Variants in IMMP2L observed in about 807,000 individuals in gnomAD.
IMMP2L encodes inner mitochondrial membrane peptidase subunit 2.
Under a neutral mutation model 19.3 loss-of-function variants are expected in IMMP2L, and 18 were observed. That is an observed-to-expected ratio of 0.93 (90% CI 0.64 to 1.38). The LOEUF is 1.38. Among genes scored for constraint, IMMP2L ranks in the 40% most tolerant of loss-of-function variants. The pLI, the probability that IMMP2L is intolerant of heterozygous loss-of-function variation, is 0.00. For missense variants in IMMP2L, 233 were observed against 218.2 expected, an observed-to-expected ratio of 1.07 and a Z score of -0.43; for synonymous variants, 76 against 73.0, an observed-to-expected ratio of 1.04 and a Z score of -0.21.
intron 3 of IMMP2L, among the ~76,000 whole-genome samples, chr7:111,192,650 A>G (rs778043554): frequency 1.3e-5 from 2 of 152,144 alleles, no homozygotes; most frequent in Non-Finnish European, 2.9e-5. Flanking sequence ...ATCCAGATGG[A>G]GCCAAGAGAA....
chr7:111,417,407 GT>G (rs1384048171), intron 3 of IMMP2L, among the ~76,000 whole-genome samples: 3 of 151,748 alleles, frequency 2.0e-5, no homozygotes, highest in Non-Finnish European at 4.4e-5. Context: ...GTAGCACATT[GT>G]TTTTAGTGGG....
chr7:111,018,801 T>TATC (rs1370646413), intron 3 of IMMP2L, among the ~76,000 whole-genome samples: 1 of 116,568 alleles, frequency 8.6e-6, no homozygotes, highest in East Asian at 2.8e-4. Flanking sequence ...TTATTATTAT[T>TATC]ATTATTATTA....
intron 3 of IMMP2L, among the ~76,000 whole-genome samples, chr7:110,988,865 T>C (rs1423706339): frequency 6.6e-6 from 1 of 152,078 alleles, no homozygotes; most frequent in Non-Finnish European, 1.5e-5. Context: ...ATAAATATAG[T>C]ATGTTCAATA....
intron 3 of IMMP2L, among the ~76,000 whole-genome samples, chr7:111,485,515 C>G (rs1383683723): frequency 3.6e-5 from 5 of 138,898 alleles, no homozygotes; most frequent in East Asian, 2.3e-4. Flanking sequence ...GGAGAATGGC[C>G]TGAACCCAGG....
At chr7:110,710,917 T>C (rs1262491908) in intron 5 of IMMP2L, among the ~76,000 whole-genome samples, 8 of 21,380 alleles carry the variant, frequency 3.7e-4, no homozygotes, top group Non-Finnish European at 6.7e-4. Flanking sequence ...GCACGTGAGA[T>C]GGGTTTCCTG....
intron 3 of IMMP2L, among the ~76,000 whole-genome samples, chr7:111,202,653 C>T (rs145063058): frequency 3.0e-4 from 46 of 152,068 alleles, no homozygotes; most frequent in African/African-American, 1.1e-3. Context: ...AATATAACAT[C>T]AAAGGAAAAT....
intron 5 of IMMP2L, among the ~76,000 whole-genome samples, chr7:110,689,359 A>AT (rs1222525389): frequency 1.3e-5 from 2 of 151,898 alleles, no homozygotes; most frequent in African/African-American, 2.4e-5. Context: ...TCTATTTTCC[A>AT]TTTTTTTATT....
intron 3 of IMMP2L, among the ~76,000 whole-genome samples, chr7:111,046,995 G>A (rs1792462180): frequency 6.6e-6 from 1 of 152,076 alleles, no homozygotes; most frequent in South Asian, 2.1e-4. Context: ...TCTTGCTAAA[G>A]CAAGATCATA....
At chr7:110,766,717 TG>T (rs1798692192) in intron 5 of IMMP2L, among the ~76,000 whole-genome samples, 1 of 152,112 alleles carries the variant, frequency 6.6e-6, no homozygotes, top group African/African-American at 2.4e-5. Context: ...GTTTCCTTTA[TG>T]AAAACTGAGA....
intron 4 of IMMP2L, among the ~76,000 whole-genome samples, chr7:110,935,805 A>G (rs1016187868): frequency 1.3e-5 from 2 of 152,184 alleles, no homozygotes; most frequent in African/African-American, 2.4e-5. Flanking sequence ...ACTATACTAC[A>G]AGGCTACAGT....
chr7:111,508,300 G>A (rs1845122883), intron 2 of IMMP2L, among the ~76,000 whole-genome samples: 1 of 151,672 alleles, frequency 6.6e-6, no homozygotes, highest in African/African-American at 2.4e-5. Flanking sequence ...AATTAAAAAA[G>A]TTTACGAAGA....
At chr7:111,472,277 A>C (rs1841341157) in intron 3 of IMMP2L, among the ~76,000 whole-genome samples, 1 of 152,134 alleles carries the variant, frequency 6.6e-6, no homozygotes, top group Non-Finnish European at 1.5e-5. Context: ...CTTTAAAAAA[A>C]AGTTCTAAGA....
chr7:111,043,822 C>T (rs1195424620), intron 3 of IMMP2L, among the ~76,000 whole-genome samples: 1 of 151,918 alleles, frequency 6.6e-6, no homozygotes, highest in Non-Finnish European at 1.5e-5. Context: ...AAACAGGAAG[C>T]AAAAAACAGT....
At position 111,415,027 on chromosome 7, in the gene IMMP2L, G is replaced by A. The variant is rs966926402; in HGVS notation, c.239+72211C>T. 4.0e-5 allele frequency among the ~76,000 whole-genome samples: 6 copies of A among 151,704 alleles called. No homozygotes were observed. The South Asian group carries it at 8.3e-4, about 21-fold the overall frequency. ...ACAAGCATGAAAAGATTGTATTAAC[G>A]TAATTAAAGTCCCAAAGCAGTTGTC... On this transcript the variant is annotated intron_variant, in intron 3 of 5. Coordinates refer to ENST00000405709, the MANE Select transcript of IMMP2L (RefSeq NM_032549.4).
chr7:110,948,426 C>T (rs551213036), intron 4 of IMMP2L, among the ~76,000 whole-genome samples: 2 of 152,258 alleles, frequency 1.3e-5, no homozygotes, highest in African/African-American at 4.8e-5. Flanking sequence ...GCTCCATTTT[C>T]TCTCTACTAT....
intron 3 of IMMP2L, among the ~76,000 whole-genome samples, chr7:111,153,473 T>G (rs1391817907): frequency 6.6e-6 from 1 of 152,046 alleles, no homozygotes; most frequent in African/African-American, 2.4e-5. Context: ...TTAAAGGATG[T>G]TTTGATTTAC....
chr7:111,037,614 A>G (rs953991379), intron 3 of IMMP2L, among the ~76,000 whole-genome samples: 4 of 152,180 alleles, frequency 2.6e-5, no homozygotes, highest in African/African-American at 9.6e-5. Flanking sequence ...GTGAAATGAC[A>G]TTCACAATAT....
At chr7:110,984,482 T>A (rs1417501529) in intron 3 of IMMP2L, among the ~76,000 whole-genome samples, 1 of 152,072 alleles carries the variant, frequency 6.6e-6, no homozygotes, top group Non-Finnish European at 1.5e-5. Context: ...GAGCTAATAA[T>A]TTACGTTGCA....
At chr7:111,188,090 T>C (rs1026645140) in intron 3 of IMMP2L, among the ~76,000 whole-genome samples, 1 of 152,102 alleles carries the variant, frequency 6.6e-6, no homozygotes, top group African/African-American at 2.4e-5. Flanking sequence ...GAAAAGTAGA[T>C]GTCAGTGCTT....
Sources: allele counts gnomAD v4.1 joint callset (sites outside exome capture counted in the v4.1 genomes callset), GRCh38; gene constraint gnomAD v4.1.1; transcripts MANE v1.5; gene names NCBI Gene and HGNC (gene_info 2026-07-23, HGNC 2026-07-21).